The following AKNA variants were observed in gnomAD, a reference collection of about 807,000 sequenced individuals.
AKNA encodes the protein microtubule organization protein AKNA.
A neutral mutation model predicts 138.8 loss-of-function variants in AKNA; 67 were observed. That is an observed-to-expected ratio of 0.48 (90% confidence interval 0.40 to 0.59). AKNA has a LOEUF of 0.59. AKNA is among the 20% of genes least tolerant of loss of function. The pLI is 0.00. For missense variants in AKNA, 1,813 were observed against 1,880.4 expected, an observed-to-expected ratio of 0.96 and a Z score of 0.66; for synonymous variants, 737 against 754.4, an observed-to-expected ratio of 0.98 and a Z score of 0.38.
intron 17 of AKNA, among the ~76,000 whole-genome samples, chr9:114,346,435 C>T (rs1342682471): frequency 6.6e-6 from 1 of 152,226 alleles, no homozygotes; most frequent in East Asian, 1.9e-4. Context: ...GACCATCTTG[C>T]AGTGGAGGTT....
chr9:114,340,309 G>A (rs1228107610), intron 21 of AKNA, among the ~76,000 whole-genome samples: 1 of 152,176 alleles, frequency 6.6e-6, no homozygotes, highest in Admixed American at 6.5e-5. Context: ...CACAGCAGGG[G>A]AAGCAGGCAG....
intron 15 of AKNA, among the ~76,000 whole-genome samples, chr9:114,349,203 G>C (rs75461735): frequency 6.6e-6 from 1 of 152,180 alleles, no homozygotes; most frequent in Non-Finnish European, 1.5e-5. Flanking sequence ...TTACCAGGCC[G>C]GGGGCGTGAG....
rs779849153 is a variant in AKNA, at chr9:114,342,069, G to A, written c.3814C>T (p.Pro1272Ser). 7 of 1,613,598 alleles carry A rather than the reference G, an allele frequency of 4.3e-6. No homozygotes were observed. The highest frequency in any genetic ancestry group is 5.9e-6 in the Non-Finnish European group (7 of 1,179,782). ...GPPPADTLQC[P>S]LCGQVGSPPE... ...GGAGACCCAACTTGACCACACAGGG[G>A]ACACTGAAGGGTATCAGCGGGAGGC... The change falls in exon 20 of 22, where the codon CCC (proline) becomes TCC (serine). Residue 1272 changes from proline to serine, a missense_variant. By Grantham distance (74) the Pro-to-Ser change is moderately conservative (BLOSUM62 -1). Coordinates refer to ENST00000374088, the MANE Select transcript of AKNA (RefSeq NM_001317950.2).
At position 114,366,623 on chromosome 9, in the gene AKNA, C is replaced by T. The variant is rs530093300; in HGVS notation, c.1728+920G>A. ...AAGCAAACACTTTAAATGAGTCAAC[C>T]GCATGGTATGTGAATTATATTTCAG... On this transcript the variant is annotated intron_variant, in intron 6 of 21. Transcript: ENST00000374088. 6.7e-5 allele frequency among the ~76,000 whole-genome samples: 10 copies of T among 149,088 alleles called. No individual in the cohort carries two copies. The South Asian group carries it at 1.5e-3, about 22-fold the overall frequency.
chr9:114,393,477 G>C (rs542538828), intron 1 of AKNA, among the ~76,000 whole-genome samples: 134 of 151,174 alleles, frequency 8.9e-4, no homozygotes, highest in African/African-American at 2.8e-3. Context: ...CACCCGCCTC[G>C]GCCTCCCAAA....
rs1240022079 is a variant in AKNA at position 114,335,617 on chromosome 9, C to T, written c.*1437G>A. The T allele has an allele frequency of 1.3e-5, 2 of 151,764 alleles. No homozygotes were observed. Among genetic ancestry groups the T allele is most frequent in the Non-Finnish European group, 2.9e-5 (2 of 67,930 alleles). The allele number at this position is 151,764 out of a possible 1,614,324, so 9.4% of individuals were successfully genotyped here. ...AGAAACCCTGTCTCTACTAAAAATA[C>T]AAAATTAGCCAGACGTGGTGGTGCA... On this transcript the variant is annotated 3_prime_UTR_variant, in exon 22 of 22. Coordinates refer to ENST00000374088, the MANE Select transcript of AKNA (RefSeq NM_001317950.2).
upstream of AKNA, among the ~76,000 whole-genome samples, chr9:114,389,287 C>A (rs1564103845): frequency 1.3e-5 from 2 of 152,110 alleles, no homozygotes; most frequent in African/African-American, 4.8e-5. Context: ...AGGCTCCCAA[C>A]ACTGGCCCCA....
chr9:114,341,721 TGCCCCTATCA>T lies in AKNA; in HGVS notation c.3875-6_3878del. ...CTTTTCTCCTCGTGGTGGCCTTCTC[TGCCCCTATCA>T]GGGAGGGAACAGCACAGAGAGACAG... On this transcript the variant is annotated splice_acceptor_variant and splice_polypyrimidine_tract_variant and coding_sequence_variant and intron_variant, in exon 21 of 22. Coordinates refer to ENST00000374088, the MANE Select transcript of AKNA (RefSeq NM_001317950.2). LOFTEE classifies it high-confidence loss of function. The T allele has an allele frequency of 6.4e-7, 1 of 1,566,626 alleles. No individual in the cohort carries two copies. Among genetic ancestry groups the T allele is most frequent in the South Asian group, 1.2e-5 (1 of 83,190 alleles).
intron 1 of AKNA, among the ~76,000 whole-genome samples, chr9:114,383,657 C>A (rs1402419282): frequency 1.3e-5 from 2 of 152,188 alleles, no homozygotes; most frequent in African/African-American, 4.8e-5. Flanking sequence ...TGACTCCAGG[C>A]CTCCCAGGAC....
At chr9:114,346,874 C>T in intron 16 of AKNA, 90 bp from the exon 17 acceptor site, 2 of 1,061,880 alleles carry the variant, frequency 1.9e-6, no homozygotes, top group Non-Finnish European at 2.8e-6. Flanking sequence ...TGGAGAAATG[C>T]TTCTAACACG....
At chr9:114,393,006 T>C (rs918372565) in intron 1 of AKNA, among the ~76,000 whole-genome samples, 32 of 152,184 alleles carry the variant, frequency 2.1e-4, no homozygotes, top group African/African-American at 4.8e-5. Flanking sequence ...AAACAAACCG[T>C]GCACGTGCCA....
intron 4 of AKNA, among the ~76,000 whole-genome samples, chr9:114,368,817 G>A (rs1332655014): frequency 6.6e-6 from 1 of 152,140 alleles, no homozygotes; most frequent in Non-Finnish European, 1.5e-5. Context: ...GACCCCAACA[G>A]CCCATTATAT....
rs372493794 is a variant in AKNA, at chr9:114,359,584, A to AGTGACTTACTCCAGGGGAGCCCC, written c.2479_2492+9dup. On this transcript the variant is annotated intron_variant, in intron 11 of 21. Transcript: ENST00000374088. ...AACAAACATTCTGCAGGAAAGGCTC[A>AGTGACTTACTCCAGGGGAGCCCC]GTGACTTACTCCAGGGGAGCCCCAT... 3,772 of 1,614,116 alleles carry AGTGACTTACTCCAGGGGAGCCCC rather than the reference A, an allele frequency of 2.3e-3. 68 individuals are homozygous for AGTGACTTACTCCAGGGGAGCCCC. In the African/African-American group the frequency reaches 0.043, roughly 19 times the overall value.
In AKNA at chr9:114,376,154, C is replaced by A. The variant is rs1409340968; in HGVS notation, c.1341+312G>T. 2.3e-5 allele frequency: 9 copies of A among 391,638 alleles called. No homozygotes were observed. The African/African-American group carries it at 2.5e-4, about 11-fold the overall frequency. The allele number at this position is 391,638 out of a possible 1,614,324, so 24.3% of individuals were successfully genotyped here. A position where few individuals can be genotyped will look rare whatever the true frequency, so the allele number is the denominator to read the frequency against. The stretch of plus-strand genomic sequence containing the variant: ...CCTCCCCACCCCACCAGCCTCTATC[C>A]CAGGGCTTCCTACCCCAGCCAGCCT... On this transcript the variant is annotated intron_variant, in intron 3 of 21. Coordinates refer to ENST00000374088, the MANE Select transcript of AKNA (RefSeq NM_001317950.2).
intron 13 of AKNA, 110 bp downstream of exon 13, chr9:114,356,753 T>C: frequency 2.1e-6 from 2 of 954,128 alleles, no homozygotes; most frequent in Non-Finnish European, 1.5e-6. Context: ...AATGAGGGCC[T>C]ACGAATGGAC....
chr9:114,346,495 G>T (rs1830696393), intron 17 of AKNA, among the ~76,000 whole-genome samples, 174 bp downstream of exon 17: 1 of 152,254 alleles, frequency 6.6e-6, no homozygotes, highest in Admixed American at 6.5e-5. Flanking sequence ...CACGCAGTAG[G>T]TGTGCAGGAC....
rs45550039 is a variant in AKNA at position 114,361,765 on chromosome 9, G to A, written c.2063C>T (p.Thr688Met). 12,100 of 1,613,832 alleles carry A rather than the reference G, an allele frequency of 7.5e-3. 49 individuals are homozygous for A. The highest frequency in any genetic ancestry group is 0.019 in the Middle Eastern group (112 of 5,810). The change falls in exon 9 of 22, where the codon ACG (threonine) becomes ATG (methionine). Residue 688 changes from threonine (T) to methionine (M), a missense_variant. Physicochemically the swap from Thr to Met is moderately conservative, Grantham distance 81. Transcript: ENST00000374088. The stretch of plus-strand genomic sequence containing the variant: ...TTGTCCAGAAGGAGCAGGCAGGTGC[G>A]TTGGCTGATGGAGGCAGGGCAGGGC... ...TPALPCLHQP[T>M]HLPAPSGQAP... is the part of the protein sequence containing the mutation.
chr9:114,364,715 TCC>T lies in AKNA; in HGVS notation c.1729-98_1729-97del, dbSNP rs1832217556. On this transcript the variant is annotated intron_variant, in intron 6 of 21. Transcript: ENST00000374088. ...CTATGCCTTGGTAAGAGGAGCTGGG[TCC>T]GTCCTCAGGATGTGGGGTTTCTGCC... The T allele has an allele frequency of 1.8e-5, 24 of 1,317,940 alleles. No homozygotes were observed. In the African/African-American group the frequency reaches 2.3e-4, roughly 13 times the overall value. 81.6% of individuals were successfully genotyped at this position (1,317,940 alleles called of 1,614,324 possible).
chr9:114,388,331 T>C (rs903495855), upstream of AKNA, among the ~76,000 whole-genome samples: 8 of 152,172 alleles, frequency 5.3e-5, no homozygotes, highest in African/African-American at 1.7e-4. Context: ...GCTCCTACCC[T>C]CTAGGCCCTC....
Sources: gnomAD v4.1 joint callset for allele counts (sites outside exome capture counted in the v4.1 genomes callset) on GRCh38, gnomAD v4.1.1 for gene constraint, MANE v1.5 for transcripts, NCBI Gene and HGNC (gene_info 2026-07-23, HGNC 2026-07-21) for gene names.